Variants in CHD1L observed in about 807,000 individuals in gnomAD.
CHD1L encodes ATP-dependent chromatin remodeler CHD1L.
A neutral mutation model predicts 115.9 loss-of-function variants in CHD1L; 118 were observed. The ratio of observed to expected loss-of-function variants is 1.02; its 90% CI spans 0.88 to 1.19. The LOEUF (loss-of-function observed/expected upper bound fraction) is 1.19, where lower values mean the gene tolerates loss of function less well. Ranked by LOEUF, CHD1L falls within the 50% of genes most tolerant of loss-of-function variation. The probability of loss-of-function intolerance (pLI) is 0.00; values close to 1 mark genes in which losing one functional copy is unlikely to be tolerated. For synonymous variants in CHD1L, 411 were observed against 387.1 expected (o/e 1.06, Z -0.72); for missense variants, 1,179 against 1,065.3 (o/e 1.11, Z -1.49).
chr1:147,184,491 G>A, the CHD1L span: 1 of 1,526,484 alleles, frequency 6.6e-7, no homozygotes, highest in Non-Finnish European at 8.8e-7. The surrounding 1 kb of genome is among the most constrained non-coding windows in gnomAD (Gnocchi z 4.4). Flanking sequence ...ACATTTAGAT[G>A]TTATGTCTCC....
At chr1:147,204,553 T>C in the CHD1L span, 1 of 1,584,872 alleles carries the variant, frequency 6.3e-7, no homozygotes, top group African/African-American at 1.3e-5. Context: ...TTCTATGACC[T>C]CTGAAACTGA....
the CHD1L span, among the ~76,000 whole-genome samples, chr1:147,230,808 T>C: frequency 6.6e-6 from 1 of 151,564 alleles, no homozygotes; most frequent in Non-Finnish European, 1.5e-5. Context: ...GAGGTGTTTA[T>C]AGTATTCTCT....
At chr1:147,222,241 G>A in the CHD1L span, among the ~76,000 whole-genome samples, 37 of 152,238 alleles carry the variant, frequency 2.4e-4, no homozygotes, top group African/African-American at 8.2e-4. Context: ...GTAGTAGTGC[G>A]TGTATAATTT....
intron 10 of CHD1L, among the ~76,000 whole-genome samples, chr1:147,269,401 T>C (rs1388448957): frequency 6.6e-6 from 1 of 152,174 alleles, no homozygotes; most frequent in Non-Finnish European, 1.5e-5. Flanking sequence ...CCAGGCACTG[T>C]GGCTCGCGCC....
the CHD1L span, chr1:147,201,534 A>G: frequency 6.4e-7 from 1 of 1,554,590 alleles, no homozygotes; most frequent in South Asian, 1.2e-5. Context: ...TCAAGTGGAG[A>G]AATGAGAGAA....
chr1:147,291,498 T>G lies in CHD1L; in HGVS notation c.2337T>G (p.Gly779=), dbSNP rs782579332. The G allele has an allele frequency of 4.3e-6, 7 of 1,613,936 alleles. No individual in the cohort carries two copies. The South Asian group carries it at 6.6e-5, about 15-fold the overall frequency. Residue 779 remains glycine, a synonymous_variant, in exon 20 of 23, where the codon GGT becomes GGG. Transcript: ENST00000369258. ...TTACCTCAGACCTGAGTTTGGGAGGTGTCCTTTTATTTCCTGTTGATGATA... is the reference window on the plus strand; with the variant it reads ...TTACCTCAGACCTGAGTTTGGGAGGGGTCCTTTTATTTCCTGTTGATGATA... ...AGKMKDLSLG[G]VLLFPVDDKE...
rs143029930 is a variant in CHD1L at position 147,276,962 on chromosome 1, C to T, written c.1539+705C>T. On this transcript the variant is annotated intron_variant, in intron 14 of 22. Transcript: ENST00000369258. ...GGGAGTAATAAATGTCTGTCAAGGG[C>T]AGCATCAGTGGGAGAGTCTGGTGTG... Among the ~76,000 whole-genome samples, 1,165 of 152,194 alleles carry T rather than the reference C, an allele frequency of 7.7e-3. 29 individuals carry two copies. Among genetic ancestry groups the T allele is most frequent in the East Asian group, 0.043 (224 of 5,174 alleles).
chr1:147,274,332 A>G (rs1677450242), intron 12 of CHD1L, among the ~76,000 whole-genome samples: 1 of 152,168 alleles, frequency 6.6e-6, no homozygotes, highest in Non-Finnish European at 1.5e-5. Context: ...CATTATTATT[A>G]GGTATAATTT....
At chr1:147,174,434 A>C in the CHD1L span, 1 of 152,264 alleles carries the variant, frequency 6.6e-6, no homozygotes, top group African/African-American at 2.4e-5. Context: ...TAGTCAAATC[A>C]GCCTAGCAGA....
chr1:147,295,156 C>T (rs1434703605), intron 22 of CHD1L, among the ~76,000 whole-genome samples: 1 of 152,198 alleles, frequency 6.6e-6, no homozygotes, highest in Non-Finnish European at 1.5e-5. Context: ...CTGAAATTCA[C>T]TCAGTGATGG....
chr1:147,219,827 C>A, the CHD1L span, among the ~76,000 whole-genome samples: 2 of 140,376 alleles, frequency 1.4e-5, no homozygotes, highest in South Asian at 2.3e-4. Flanking sequence ...GGTTAACATA[C>A]AAATGTTAAT....
chr1:147,175,843 T>A, the CHD1L span: 1 of 151,284 alleles, frequency 6.6e-6, no homozygotes, highest in Admixed American at 6.6e-5. Flanking sequence ...TATTGATGAA[T>A]CTCAAATGCA....
At chr1:147,274,597 G>T (rs1455931714) in intron 12 of CHD1L, among the ~76,000 whole-genome samples, 1 of 150,996 alleles carries the variant, frequency 6.6e-6, no homozygotes, top group Non-Finnish European at 1.5e-5. Flanking sequence ...CAAAGAGAAG[G>T]CTGCAATGTA....
At chr1:147,190,085 C>A in the CHD1L span, 1 of 802,914 alleles carries the variant, frequency 1.2e-6, no homozygotes, top group Non-Finnish European at 2.0e-6. Flanking sequence ...AATCCTTAAG[C>A]TAACATGAGG....
At chr1:147,234,031 T>C in the CHD1L span, among the ~76,000 whole-genome samples, 2 of 152,252 alleles carry the variant, frequency 1.3e-5, no homozygotes, top group Non-Finnish European at 2.9e-5. Flanking sequence ...ACCTTCCCTC[T>C]ACTATTGTCC....
chr1:147,228,889 A>T, the CHD1L span, among the ~76,000 whole-genome samples: 1 of 151,852 alleles, frequency 6.6e-6, no homozygotes, highest in Non-Finnish European at 1.5e-5. Context: ...GTTTGAGTTC[A>T]TTGTAGATTC....
At position 147,284,473 on chromosome 1, in the gene CHD1L, G is replaced by A; in HGVS notation, c.1828G>A (p.Gly610Ser). The stretch of plus-strand genomic sequence containing the variant: ...CCTTTTGGAGAAAGCTAGTCAAGAG[G>A]GCCGATCACTCCGAAATAAAGGCAG... ...KTLLEKASQE[G>S]RSLRNKGSVL... The change falls in exon 16 of 23, where the codon GGC (glycine) becomes AGC (serine). Residue 610 changes from glycine to serine, a missense_variant. By Grantham distance (56) the Gly-to-Ser change is moderately conservative (BLOSUM62 0). Transcript: ENST00000369258. 1 of 1,604,342 alleles carries A rather than the reference G, an allele frequency of 6.2e-7. No homozygotes were observed. Among genetic ancestry groups the A allele is most frequent in the South Asian group, 1.1e-5 (1 of 88,790 alleles).
intron 6 of CHD1L, among the ~76,000 whole-genome samples, chr1:147,261,602 C>A (rs1170662550): frequency 2.6e-5 from 4 of 152,078 alleles, no homozygotes; most frequent in South Asian, 2.1e-4. Flanking sequence ...ACTACTGTGC[C>A]AGTTTACTAA....
chr1:147,186,367 G>A, the CHD1L span: 1 of 940,132 alleles, frequency 1.1e-6, no homozygotes, highest in African/African-American at 1.8e-5. Flanking sequence ...GAAACAAAAT[G>A]TCTTAAGCAT....
Sources: gnomAD v4.1 joint callset for allele counts (sites outside exome capture counted in the v4.1 genomes callset) on GRCh38, gnomAD v4.1.1 for gene constraint, Gnocchi (gnomAD v3.1) non-coding constraint, MANE v1.5 for transcripts, NCBI Gene and HGNC (gene_info 2026-07-23, HGNC 2026-07-21) for gene names.